COL23A1: variants seen among roughly 807,000 people sequenced by gnomAD.
COL23A1 encodes collagen alpha-1(XXIII) chain.
In COL23A1, 97 loss-of-function variants were observed where a neutral mutation model predicts 99.3. That is an observed-to-expected ratio of 0.98 (90% CI 0.83 to 1.16). The LOEUF is 1.16. COL23A1 is among the 50% of genes most tolerant of loss of function. COL23A1 has a pLI of 0.00. For synonymous variants in COL23A1, 320 were observed against 308.2 expected (o/e 1.04, Z -0.40); for missense variants, 762 against 757.4 (o/e 1.01, Z -0.07).
intron 2 of COL23A1, among the ~76,000 whole-genome samples, chr5:178,322,765 G>C (rs1368144820): frequency 6.6e-6 from 1 of 152,216 alleles, no homozygotes; most frequent in Non-Finnish European, 1.5e-5. Context: ...GGGAGGCCCT[G>C]CAGGCACTAG....
intron 2 of COL23A1, among the ~76,000 whole-genome samples, chr5:178,433,575 G>A (rs1766383602): frequency 6.6e-6 from 1 of 152,198 alleles, no homozygotes; most frequent in Admixed American, 6.5e-5. Flanking sequence ...TGGAGGGTGG[G>A]GCTGAAAGTT....
chr5:178,469,857 C>T (rs1756647522), intron 2 of COL23A1, among the ~76,000 whole-genome samples: 1 of 152,176 alleles, frequency 6.6e-6, no homozygotes, highest in Non-Finnish European at 1.5e-5. Flanking sequence ...TCCAACCACT[C>T]ATCCCCTGTG....
chr5:178,326,414 TAAA>T (rs34380897), intron 2 of COL23A1, among the ~76,000 whole-genome samples: 1 of 148,478 alleles, frequency 6.7e-6, no homozygotes. Context: ...AGAGAACATT[TAAA>T]AAAAAAAAAA....
At chr5:178,583,666 A>G (rs1480082387) in intron 1 of COL23A1, among the ~76,000 whole-genome samples, 1 of 152,210 alleles carries the variant, frequency 6.6e-6, no homozygotes, top group African/African-American at 2.4e-5. Context: ...ACTGTTGGAA[A>G]ACAGAAACTA....
intron 2 of COL23A1, among the ~76,000 whole-genome samples, chr5:178,542,837 G>A (rs564962459): frequency 6.6e-6 from 1 of 152,250 alleles, no homozygotes; most frequent in African/African-American, 2.4e-5. Context: ...GCCAGAGAAT[G>A]GTGCTCCTAT....
chr5:178,504,728 C>T (rs1252401001), intron 2 of COL23A1, among the ~76,000 whole-genome samples: 2 of 152,190 alleles, frequency 1.3e-5, no homozygotes, highest in Non-Finnish European at 2.9e-5. Flanking sequence ...AGTGTGTGTG[C>T]CTTGACATGC....
intron 2 of COL23A1, among the ~76,000 whole-genome samples, chr5:178,424,929 T>C (rs1765828744): frequency 6.6e-6 from 1 of 152,206 alleles, no homozygotes; most frequent in Non-Finnish European, 1.5e-5. Context: ...AGAGGGGTCC[T>C]GGCCTCGCCT....
At chr5:178,262,932 C>T (rs913140301) in intron 9 of COL23A1, among the ~76,000 whole-genome samples, 1 of 152,022 alleles carries the variant, frequency 6.6e-6, no homozygotes, top group Non-Finnish European at 1.5e-5. Context: ...TGATTGGGAT[C>T]AGAGACCCAG....
intron 2 of COL23A1, among the ~76,000 whole-genome samples, chr5:178,462,992 C>A (rs1756206510): frequency 1.3e-5 from 2 of 152,266 alleles, no homozygotes; most frequent in African/African-American, 4.8e-5. Flanking sequence ...CAGCTGAAGG[C>A]TGGCACCATG....
chr5:178,476,206 G>A lies in COL23A1; in HGVS notation c.361+84476C>T, dbSNP rs568041348. 3.2e-3 allele frequency among the ~76,000 whole-genome samples: 484 copies of A among 152,294 alleles called. 4 individuals are homozygous for A. The highest frequency in any genetic ancestry group is 0.011 in the African/African-American group (452 of 41,560). ...TCCACAAATAATAGGCGTCATAATA[G>A]GAAATGGCGCATACAGCATGCCTGC... On this transcript the variant is annotated intron_variant, in intron 2 of 28. Transcript: ENST00000390654.
At chr5:178,524,709 T>G (rs1760211488) in intron 2 of COL23A1, among the ~76,000 whole-genome samples, 1 of 152,188 alleles carries the variant, frequency 6.6e-6, no homozygotes, top group Admixed American at 6.5e-5. Context: ...GCTCTTGCCC[T>G]GCTGCCTGCC....
At chr5:178,283,167 T>C (rs1193822205) in intron 5 of COL23A1, among the ~76,000 whole-genome samples, 1 of 152,180 alleles carries the variant, frequency 6.6e-6, no homozygotes, top group Non-Finnish European at 1.5e-5. Context: ...ATTACAGGCG[T>C]GAGCCACCGC....
At chr5:178,491,895 C>T in intron 2 of COL23A1, among the ~76,000 whole-genome samples, 1 of 152,008 alleles carries the variant, frequency 6.6e-6, no homozygotes, top group Non-Finnish European at 1.5e-5. Flanking sequence ...CCACCACGTC[C>T]AGCTCATTTT....
At chr5:178,493,623 C>T (rs1414659980) in intron 2 of COL23A1, among the ~76,000 whole-genome samples, 2 of 152,278 alleles carry the variant, frequency 1.3e-5, no homozygotes, top group African/African-American at 4.8e-5. Context: ...GCCATCTCCA[C>T]ACCTCCAAGG....
Position 178,415,381 on chromosome 5 carries a change from TA to T in COL23A1, c.362-108463del, listed in dbSNP as rs1765249304. 6.6e-6 allele frequency among the ~76,000 whole-genome samples: 1 copy of T among 152,102 alleles called. No individual in the cohort carries two copies. The highest frequency in any genetic ancestry group is 1.5e-5 in the Non-Finnish European group (1 of 68,022). On this transcript the variant is annotated intron_variant, in intron 2 of 28. Coordinates refer to ENST00000390654, the MANE Select transcript of COL23A1 (RefSeq NM_173465.4). The surrounding 1 kb of genome is among the most constrained non-coding windows in gnomAD (Gnocchi z 4.6). Reference sequence around the variant, plus strand: ...CTGTGCTCCAAATCAGTCGAACGTCTAAAAACCGTCCTGCCCCCCACCCTCA... The same window carrying T: ...CTGTGCTCCAAATCAGTCGAACGTCTAAAACCGTCCTGCCCCCCACCCTCA...
chr5:178,572,299 T>C (rs1278474813), intron 1 of COL23A1, among the ~76,000 whole-genome samples: 1 of 151,866 alleles, frequency 6.6e-6, no homozygotes, highest in Non-Finnish European at 1.5e-5. Flanking sequence ...GTGGTCAAAA[T>C]ATGTGTAATT....
Position 178,590,212 on chromosome 5 carries a change from G to T in COL23A1, c.-15C>A. The T allele has an allele frequency of 8.3e-7, 1 of 1,210,092 alleles. No individual in the cohort carries two copies. The highest frequency in any genetic ancestry group is 1.0e-6 in the Non-Finnish European group (1 of 974,756). The allele number at this position is 1,210,092 out of a possible 1,614,324, so 75.0% of individuals were successfully genotyped here. A position where few individuals can be genotyped will look rare whatever the true frequency, so the allele number is the denominator to read the frequency against. ...CCTGGGCCCATGGCGCGTTCGTCGC[G>T]CGTGGACTCTCCGAGGGGGCGGTGC... On this transcript the variant is annotated 5_prime_UTR_variant, in exon 1 of 29. Coordinates refer to ENST00000390654, the MANE Select transcript of COL23A1 (RefSeq NM_173465.4). This position sits in a 1 kb window ranked among gnomAD's most constrained non-coding sequence, Gnocchi z 5.7.
chr5:178,240,070 G>T (rs1336441977), intron 27 of COL23A1, among the ~76,000 whole-genome samples: 1 of 152,176 alleles, frequency 6.6e-6, no homozygotes, highest in Non-Finnish European at 1.5e-5. Context: ...CAGGTTGCTG[G>T]GGGTTGGGGC....
At chr5:178,330,258 C>T (rs772321743) in intron 2 of COL23A1, among the ~76,000 whole-genome samples, 8 of 152,218 alleles carry the variant, frequency 5.3e-5, no homozygotes, top group Non-Finnish European at 1.2e-4. Context: ...TCGGCTTTGA[C>T]CTCTTTCAGT....
Sources: allele counts gnomAD v4.1 joint callset (sites outside exome capture counted in the v4.1 genomes callset), GRCh38; gene constraint gnomAD v4.1.1; non-coding constraint Gnocchi (gnomAD v3.1); transcripts MANE v1.5; gene names NCBI Gene and HGNC (gene_info 2026-07-23, HGNC 2026-07-21).